SPIRE1: variants seen among roughly 807,000 people sequenced by gnomAD.
SPIRE1 encodes the protein spire type actin nucleation factor 1.
Under a neutral mutation model 94.1 loss-of-function variants are expected in SPIRE1, and 40 were observed. The ratio of observed to expected loss-of-function variants is 0.43; its 90% CI spans 0.33 to 0.55. SPIRE1 has a LOEUF of 0.55. SPIRE1 is among the 20% of genes least tolerant of loss of function. The pLI is 0.06. For synonymous variants in SPIRE1, 376 were observed against 371.7 expected (o/e 1.01, Z -0.13); for missense variants, 838 against 975.2 (o/e 0.86, Z 1.87).
chr18:12,640,573 CA>C (rs2144846445), intron 1 of SPIRE1, among the ~76,000 whole-genome samples: 1 of 152,276 alleles, frequency 6.6e-6, no homozygotes, highest in African/African-American at 2.4e-5. Flanking sequence ...AGTAATCAAA[CA>C]AAACAGAACT....
intron 2 of SPIRE1, among the ~76,000 whole-genome samples, chr18:12,566,015 A>AG (rs2035810119): frequency 6.6e-6 from 1 of 150,972 alleles, no homozygotes; most frequent in African/African-American, 2.4e-5. Flanking sequence ...CCTGGGCGAC[A>AG]ATACAAACAA....
chr18:12,450,896 A>G, intron 16 of SPIRE1: 1 of 710,584 alleles, frequency 1.4e-6, no homozygotes, highest in East Asian at 2.6e-5. Context: ...GCTGAAGGAA[A>G]AGTATGAGAA....
At chr18:12,538,594 G>T (rs1339361393) in intron 3 of SPIRE1, among the ~76,000 whole-genome samples, 1 of 152,106 alleles carries the variant, frequency 6.6e-6, no homozygotes, top group African/African-American at 2.4e-5. Context: ...TTCCAGGCCA[G>T]CCCTTTATGT....
chr18:12,449,853 G>T lies in SPIRE1; in HGVS notation c.2056C>A (p.Leu686Ile). The T allele has an allele frequency of 6.2e-7, 1 of 1,614,166 alleles. No individual in the cohort carries two copies. Among genetic ancestry groups the T allele is most frequent in the African/African-American group, 1.3e-5 (1 of 75,036 alleles). ...SKSMDKSDEE[L>I]QFPKELMEDW... Reference sequence around the variant, plus strand: ...TCCATCAACTCTTTGGGAAACTGGAGTTCTTCATCTGATTTGTCCATAGAC... The same window carrying T: ...TCCATCAACTCTTTGGGAAACTGGATTTCTTCATCTGATTTGTCCATAGAC... Residue 686 changes from leucine to isoleucine, a missense_variant, in exon 17 of 17, where the codon CTC becomes ATC. Physicochemically the swap from Leu to Ile is conservative, Grantham distance 5 (BLOSUM62 2). Around this residue, in one of 2 missense-constraint regions of SPIRE1, gnomAD observed 645 missense variants for 804.7 expected, o/e 0.80. Transcript: ENST00000409402.
intron 10 of SPIRE1, among the ~76,000 whole-genome samples, chr18:12,473,689 T>C (rs1452190114): frequency 6.7e-6 from 1 of 150,290 alleles, no homozygotes; most frequent in Non-Finnish European, 1.5e-5. Flanking sequence ...TGTAAATAAT[T>C]AACATCATTC....
At chr18:12,478,905 T>C (rs926965778) in intron 10 of SPIRE1, among the ~76,000 whole-genome samples, 3 of 152,092 alleles carry the variant, frequency 2.0e-5, no homozygotes, top group African/African-American at 7.2e-5. Context: ...GAGAATACTA[T>C]TAGAATTTTC....
At chr18:12,519,643 C>T (rs1290768430) in intron 4 of SPIRE1, among the ~76,000 whole-genome samples, 1 of 152,116 alleles carries the variant, frequency 6.6e-6, no homozygotes, top group Non-Finnish European at 1.5e-5. Context: ...AGACCAATGG[C>T]TCATTAGAAA....
chr18:12,478,451 T>G (rs1168765395), intron 10 of SPIRE1, among the ~76,000 whole-genome samples: 4 of 147,914 alleles, frequency 2.7e-5, no homozygotes, highest in African/African-American at 1.0e-4. Flanking sequence ...TGTGTGTAGC[T>G]AGGGTGTGTG....
At chr18:12,455,197 C>T (rs995081600) in intron 12 of SPIRE1, among the ~76,000 whole-genome samples, 1 of 152,184 alleles carries the variant, frequency 6.6e-6, no homozygotes, top group Non-Finnish European at 1.5e-5. Flanking sequence ...TTCGGCCTCC[C>T]AAAGTGCTGG....
chr18:12,625,111 G>A (rs747448600), intron 2 of SPIRE1, among the ~76,000 whole-genome samples: 1 of 152,110 alleles, frequency 6.6e-6, no homozygotes, highest in Non-Finnish European at 1.5e-5. Flanking sequence ...CTGTCATAAT[G>A]TCCTAGTCTA....
In SPIRE1 at chr18:12,583,785, C is replaced by T. The variant is rs543948443; in HGVS notation, c.373-36881G>A. Among the ~76,000 whole-genome samples the T allele has an allele frequency of 1.6e-3, 243 of 151,866 alleles. 1 individual carries two copies. The highest frequency in any genetic ancestry group is 5.5e-3 in the African/African-American group (226 of 41,402). On this transcript the variant is annotated intron_variant, in intron 2 of 16. Transcript: ENST00000409402. The stretch of plus-strand genomic sequence containing the variant: ...ACAAAATACAAAAAAAAGTGCTGGG[C>T]GTGGTGGCACACACCTATAGTCCCT...
At chr18:12,651,254 T>C (rs1030458489) in intron 1 of SPIRE1, among the ~76,000 whole-genome samples, 1 of 152,144 alleles carries the variant, frequency 6.6e-6, no homozygotes. Context: ...TTCACCAATC[T>C]CTAATTCTAC....
intron 3 of SPIRE1, among the ~76,000 whole-genome samples, chr18:12,537,855 AC>A (rs1445916022): frequency 1.2e-4 from 19 of 152,220 alleles, no homozygotes; most frequent in Admixed American, 1.2e-3. Context: ...ATTAAAGAAG[AC>A]CTAAATAAAC....
At chr18:12,503,633 C>T (rs1439075084) in intron 6 of SPIRE1, among the ~76,000 whole-genome samples, 1 of 152,084 alleles carries the variant, frequency 6.6e-6, no homozygotes, top group African/African-American at 2.4e-5. Flanking sequence ...TTAGCTGCTT[C>T]CCTACAGGTT....
intron 3 of SPIRE1, among the ~76,000 whole-genome samples, chr18:12,543,610 C>T (rs569178241): frequency 6.6e-6 from 1 of 152,302 alleles, no homozygotes; most frequent in African/African-American, 2.4e-5. Flanking sequence ...TATAAAGGCA[C>T]TTTTCAACTA....
At chr18:12,595,857 C>T (rs550786338) in intron 2 of SPIRE1, among the ~76,000 whole-genome samples, 34 of 152,244 alleles carry the variant, frequency 2.2e-4, no homozygotes, top group African/African-American at 7.9e-4. Context: ...CTATTTAATA[C>T]ACAGATATCT....
intron 2 of SPIRE1, among the ~76,000 whole-genome samples, chr18:12,547,824 C>T (rs1032734657): frequency 6.6e-6 from 1 of 152,186 alleles, no homozygotes; most frequent in African/African-American, 2.4e-5. Context: ...TGCCGGTAAT[C>T]CCAGTTTCTT....
chr18:12,532,104 G>A (rs968229955), intron 4 of SPIRE1, among the ~76,000 whole-genome samples: 4 of 152,122 alleles, frequency 2.6e-5, no homozygotes, highest in Non-Finnish European at 5.9e-5. Flanking sequence ...AGTAACAGCA[G>A]GCCTACCCAA....
intron 2 of SPIRE1, among the ~76,000 whole-genome samples, chr18:12,548,681 G>A (rs1027822879): frequency 7.4e-5 from 11 of 148,672 alleles, no homozygotes; most frequent in African/African-American, 2.7e-4. Flanking sequence ...GTACAATTAC[G>A]GCTCACTGCA....
Sources: allele counts gnomAD v4.1 joint callset (sites outside exome capture counted in the v4.1 genomes callset), GRCh38; gene constraint gnomAD v4.1.1; regional missense constraint gnomAD v4.1.1; transcripts MANE v1.5; gene names NCBI Gene and HGNC (gene_info 2026-07-23, HGNC 2026-07-21).